Variants in TP63 observed in about 807,000 individuals in gnomAD.
TP63 encodes tumor protein p63, also known as tumor protein 63.
In TP63, 17 loss-of-function variants were observed where a neutral mutation model predicts 82.8. That is an observed-to-expected ratio of 0.21 (90% CI 0.14 to 0.31). TP63 has a LOEUF of 0.31. Ranked by LOEUF, TP63 falls within the 10% of genes least tolerant of loss-of-function variation. The pLI is 1.00. For synonymous variants in TP63, 330 were observed against 321.7 expected, an observed-to-expected ratio of 1.03 and a Z score of -0.28; for missense variants, 648 against 895.3, an observed-to-expected ratio of 0.72 and a Z score of 3.52.
chr3:189,701,362 T>C (rs76373793), intron 1 of TP63, among the ~76,000 whole-genome samples: 2,613 of 151,926 alleles, frequency 0.017, 76 homozygotes, highest in African/African-American at 0.06. Context: ...AAGGAGTGAG[T>C]CTTCCAGAGA....
chr3:189,649,713 G>C (rs1404427942), intron 1 of TP63, among the ~76,000 whole-genome samples: 2 of 146,618 alleles, frequency 1.4e-5, no homozygotes, highest in Non-Finnish European at 3.0e-5. Context: ...GAATTCAACT[G>C]CATTTTAGAG....
chr3:189,890,944 C>T (rs1012091229), intron 13 of TP63, 62 bp downstream of exon 13: 23 of 1,516,298 alleles, frequency 1.5e-5, no homozygotes, highest in African/African-American at 9.6e-5. Context: ...TGATGACAAC[C>T]GCCTTGTAGT....
In TP63 at chr3:189,788,275, T is replaced by C. The variant is rs574021310; in HGVS notation, c.325-19997T>C. On this transcript the variant is annotated intron_variant, in intron 3 of 13. Coordinates refer to ENST00000264731, the MANE Select transcript of TP63 (RefSeq NM_003722.5). ...TTATGGGAGTTTTTTGGTTTTTGTG[T>C]ATAAAAGAAGGAAGCATTATTACCA... Among the ~76,000 whole-genome samples the C allele has an allele frequency of 2.0e-5, 3 of 152,148 alleles. No homozygotes were observed. The South Asian group carries it at 6.2e-4, about 32-fold the overall frequency.
At chr3:189,784,449 T>G (rs1397422469) in intron 3 of TP63, among the ~76,000 whole-genome samples, 1 of 152,098 alleles carries the variant, frequency 6.6e-6, no homozygotes, top group African/African-American at 2.4e-5. Context: ...TCAATTCCAA[T>G]GTTTAATATC....
chr3:189,705,766 T>G (rs932461468), intron 1 of TP63, among the ~76,000 whole-genome samples: 2 of 152,208 alleles, frequency 1.3e-5, no homozygotes, highest in African/African-American at 4.8e-5. Flanking sequence ...CCAGGTGTGT[T>G]TAAGATTTTT....
chr3:189,815,254 G>C (rs191041527), intron 4 of TP63, among the ~76,000 whole-genome samples: 1 of 151,892 alleles, frequency 6.6e-6, no homozygotes, highest in Admixed American at 6.6e-5. Context: ...ATCAATCACC[G>C]TGGAAATTTT....
chr3:189,707,232 T>G (rs550310151), intron 1 of TP63, among the ~76,000 whole-genome samples: 1 of 152,354 alleles, frequency 6.6e-6, no homozygotes, highest in East Asian at 1.9e-4. Context: ...TTTCAAAATC[T>G]TGCTAAATGC....
chr3:189,634,113 G>T (rs1420763249), intron 1 of TP63, among the ~76,000 whole-genome samples: 7 of 151,948 alleles, frequency 4.6e-5, no homozygotes, highest in Admixed American at 3.3e-4. Flanking sequence ...GAGTAAATGG[G>T]TTTGAGCTGG....
intron 1 of TP63, among the ~76,000 whole-genome samples, chr3:189,700,147 T>G (rs1038724991): frequency 7.9e-5 from 12 of 152,110 alleles, no homozygotes; most frequent in African/African-American, 2.9e-4. Flanking sequence ...TGCAATAACT[T>G]GAGGTTAAAT....
At chr3:189,770,003 A>G (rs1042553718) in intron 3 of TP63, among the ~76,000 whole-genome samples, 2 of 152,264 alleles carry the variant, frequency 1.3e-5, no homozygotes, top group South Asian at 4.1e-4. Context: ...TCATGAAATC[A>G]GAAATTATAC....
intron 3 of TP63, among the ~76,000 whole-genome samples, chr3:189,764,636 T>C (rs1416235832): frequency 6.6e-6 from 1 of 152,136 alleles, no homozygotes; most frequent in African/African-American, 2.4e-5. Flanking sequence ...AAGTTATCCA[T>C]TGTGTTTAGG....
chr3:189,827,047 T>C (rs1711532622), intron 4 of TP63, among the ~76,000 whole-genome samples: 1 of 152,206 alleles, frequency 6.6e-6, no homozygotes, highest in African/African-American at 2.4e-5. Context: ...GAAAGTTCAA[T>C]ATATGAAGCC....
chr3:189,607,580 AAC>A, the TP63 span, among the ~76,000 whole-genome samples: 2 of 151,986 alleles, frequency 1.3e-5, no homozygotes, highest in African/African-American at 4.8e-5. Context: ...ATAAAAATGA[AAC>A]AGTTTAAAAT....
the TP63 span, among the ~76,000 whole-genome samples, chr3:189,607,540 A>G: frequency 2.6e-5 from 4 of 152,008 alleles, no homozygotes; most frequent in African/African-American, 7.2e-5. Flanking sequence ...ATTAGAGTAA[A>G]ATGGATAAGT....
At chr3:189,649,209 G>A (rs1712673527) in intron 1 of TP63, among the ~76,000 whole-genome samples, 1 of 146,782 alleles carries the variant, frequency 6.8e-6, no homozygotes, top group Non-Finnish European at 1.5e-5. Context: ...GGTTGAAAAC[G>A]ATGCTATTCA....
intron 1 of TP63, among the ~76,000 whole-genome samples, chr3:189,662,918 G>T (rs73195962): frequency 0.33 from 50,624 of 151,854 alleles, 9,464 homozygotes; most frequent in Middle Eastern, 0.54. Flanking sequence ...GATTAAGAGA[G>T]TCTTTCTGGG....
intron 1 of TP63, among the ~76,000 whole-genome samples, chr3:189,666,603 A>G (rs1008194739): frequency 1.3e-5 from 2 of 152,136 alleles, no homozygotes; most frequent in Non-Finnish European, 2.9e-5. Flanking sequence ...GAATATTAAG[A>G]AATGATTTAG....
intron 4 of TP63, among the ~76,000 whole-genome samples, chr3:189,858,455 G>GAATACTA: frequency 6.7e-6 from 1 of 148,806 alleles, no homozygotes; most frequent in East Asian, 2.0e-4. Flanking sequence ...ATGCACAGTA[G>GAATACTA]AATACTATTC....
At chr3:189,778,531 T>C (rs1225769700) in intron 3 of TP63, among the ~76,000 whole-genome samples, 1 of 152,210 alleles carries the variant, frequency 6.6e-6, no homozygotes, top group Non-Finnish European at 1.5e-5. Flanking sequence ...AAAGTAGAAC[T>C]TGTCTGATGG....
Sources: gnomAD v4.1 joint callset for allele counts (sites outside exome capture counted in the v4.1 genomes callset) on GRCh38, gnomAD v4.1.1 for gene constraint, MANE v1.5 for transcripts, NCBI Gene and HGNC (gene_info 2026-07-23, HGNC 2026-07-21) for gene names.